The following CLVS1 variants were observed in gnomAD, a reference collection of about 807,000 sequenced individuals.
CLVS1 encodes the protein clavesin 1.
In CLVS1, 10 loss-of-function variants were observed where a neutral mutation model predicts 33.1. The ratio of observed to expected loss-of-function variants is 0.30; its 90% confidence interval spans 0.19 to 0.51. The LOEUF (loss-of-function observed/expected upper bound fraction) is 0.51. Ranked by LOEUF, CLVS1 falls within the 20% of genes least tolerant of loss-of-function variation. The pLI, the probability that CLVS1 is intolerant of heterozygous loss-of-function variation, is 0.97. For synonymous variants in CLVS1, 163 were observed against 166.1 expected (o/e 0.98, Z 0.14); for missense variants, 343 against 433.4 (o/e 0.79, Z 1.85).
At chr8:61,168,116 C>G (rs1011152344) in intron 2 of CLVS1, among the ~76,000 whole-genome samples, 3 of 152,170 alleles carry the variant, frequency 2.0e-5, no homozygotes, top group East Asian at 1.9e-4. Flanking sequence ...GATCGGGACC[C>G]CTTTCCTGTA....
intron 2 of CLVS1, among the ~76,000 whole-genome samples, chr8:61,133,895 G>A (rs1231411464): frequency 6.6e-6 from 1 of 152,124 alleles, no homozygotes; most frequent in Non-Finnish European, 1.5e-5. Context: ...CAAATTGGGT[G>A]ACAGAGTGAA....
rs1332855104 is a variant in CLVS1, at chr8:61,341,389, G to A, written c.456-35216G>A. Among the ~76,000 whole-genome samples the A allele has an allele frequency of 2.0e-5, 3 of 152,276 alleles. No homozygotes were observed. The South Asian group carries it at 6.2e-4, about 32-fold the overall frequency. ...CAGAAGAGCGCTCATTGTCCTCTGC[G>A]GTCCATTTTCCACACGTACAATGTG... On this transcript the variant is annotated intron_variant, in intron 2 of 5. Transcript: ENST00000325897.
chr8:61,187,685 T>G (rs1404302945), intron 2 of CLVS1, among the ~76,000 whole-genome samples: 2 of 151,942 alleles, frequency 1.3e-5, no homozygotes. Context: ...CAGGCTTGGT[T>G]GCTTGGACCA....
At chr8:61,342,376 G>T (rs73682262) in intron 2 of CLVS1, among the ~76,000 whole-genome samples, 2 of 152,144 alleles carry the variant, frequency 1.3e-5, no homozygotes, top group Non-Finnish European at 2.9e-5. Flanking sequence ...TGAGCTCCTC[G>T]ATGGCTAAAG....
At chr8:61,005,425 G>A in the CLVS1 span, among the ~76,000 whole-genome samples, 1 of 144,894 alleles carries the variant, frequency 6.9e-6, no homozygotes. Flanking sequence ...TTTTTTTTTA[G>A]CATTATGACA....
intron 2 of CLVS1, among the ~76,000 whole-genome samples, chr8:61,368,525 G>A (rs1372926363): frequency 6.6e-6 from 1 of 152,164 alleles, no homozygotes; most frequent in East Asian, 1.9e-4. Flanking sequence ...TGGTCAGATA[G>A]GGGTGGACTG....
chr8:61,168,379 A>T (rs569941843), intron 2 of CLVS1, among the ~76,000 whole-genome samples: 1 of 152,350 alleles, frequency 6.6e-6, no homozygotes, highest in East Asian at 1.9e-4. Context: ...AAAAGAGCCT[A>T]ATCAGTCACT....
chr8:61,085,808 G>A (rs571642008), intron 1 of CLVS1, among the ~76,000 whole-genome samples: 123 of 151,354 alleles, frequency 8.1e-4, no homozygotes, highest in African/African-American at 2.9e-3. Flanking sequence ...CGGATCACGA[G>A]GTCAGGAGAT....
intron 2 of CLVS1, among the ~76,000 whole-genome samples, chr8:61,177,932 T>C (rs1807150024): frequency 6.6e-6 from 1 of 151,816 alleles, no homozygotes; most frequent in South Asian, 2.1e-4. Context: ...CCAGAGTGCC[T>C]CTTCTCCTCC....
intron 2 of CLVS1, among the ~76,000 whole-genome samples, chr8:61,360,423 C>T (rs998826019): frequency 6.6e-6 from 1 of 152,082 alleles, no homozygotes; most frequent in Admixed American, 6.6e-5. Context: ...TGTATGCATG[C>T]ATTTAAAACA....
chr8:61,041,769 A>T, the CLVS1 span, among the ~76,000 whole-genome samples: 2 of 152,176 alleles, frequency 1.3e-5, no homozygotes, highest in African/African-American at 4.8e-5. Flanking sequence ...GCATTTTGGC[A>T]GAGTCTTTAG....
At chr8:61,155,202 C>G (rs969791209) in intron 2 of CLVS1, among the ~76,000 whole-genome samples, 6 of 152,196 alleles carry the variant, frequency 3.9e-5, no homozygotes, top group African/African-American at 1.4e-4. Flanking sequence ...TTGGAAAACC[C>G]TCCAGGATCT....
intron 1 of CLVS1, among the ~76,000 whole-genome samples, chr8:61,104,443 A>T (rs1311118337): frequency 2.0e-5 from 3 of 152,212 alleles, no homozygotes; most frequent in African/African-American, 7.2e-5. Context: ...TGTAGTCCTT[A>T]ACTCCAACAG....
At chr8:61,178,292 T>C (rs1196883860) in intron 2 of CLVS1, among the ~76,000 whole-genome samples, 1 of 150,980 alleles carries the variant, frequency 6.6e-6, no homozygotes, top group Non-Finnish European at 1.5e-5. Flanking sequence ...CAGACAAAAT[T>C]AGAGAAAAAG....
chr8:61,089,487 T>C (rs926158531), intron 1 of CLVS1, among the ~76,000 whole-genome samples: 3 of 152,220 alleles, frequency 2.0e-5, no homozygotes, highest in African/African-American at 4.8e-5. Flanking sequence ...TTATTATTTT[T>C]TTCCTATAGC....
chr8:61,248,831 T>C (rs762800013), intron 2 of CLVS1, among the ~76,000 whole-genome samples: 4 of 152,150 alleles, frequency 2.6e-5, no homozygotes, highest in African/African-American at 7.2e-5. Flanking sequence ...TCTGATTGTG[T>C]GATTTTATTA....
chr8:61,259,730 T>C lies in CLVS1; in HGVS notation c.-151-39947T>C, dbSNP rs999549696. 3.3e-5 allele frequency among the ~76,000 whole-genome samples: 5 copies of C among 152,374 alleles called. No homozygotes were observed. In the East Asian group the frequency reaches 9.6e-4, roughly 29 times the overall value. ...TTCAGAATTTGAAAACTGGTGCTGG[T>C]TGGGCTCTCTGAAGCACTGAACATT... On this transcript the variant is annotated intron_variant, in intron 2 of 2. Coordinates refer to the CLVS1 transcript ENST00000522621.
At chr8:61,032,656 C>T in the CLVS1 span, among the ~76,000 whole-genome samples, 13 of 152,176 alleles carry the variant, frequency 8.5e-5, no homozygotes, top group African/African-American at 2.2e-4. Context: ...CTCTGTGAAG[C>T]GCCTCTTCCA....
At chr8:61,026,676 C>A in the CLVS1 span, among the ~76,000 whole-genome samples, 1 of 152,302 alleles carries the variant, frequency 6.6e-6, no homozygotes, top group Admixed American at 6.5e-5. Flanking sequence ...TAAACCATGG[C>A]TAATCATAGA....
Sources: allele counts gnomAD v4.1 joint callset (sites outside exome capture counted in the v4.1 genomes callset), GRCh38; gene constraint gnomAD v4.1.1; transcripts MANE v1.5; gene names NCBI Gene and HGNC (gene_info 2026-07-23, HGNC 2026-07-21).